PTPRN2: variants seen among roughly 807,000 people sequenced by gnomAD.
PTPRN2 encodes receptor-type tyrosine-protein phosphatase N2.
A neutral mutation model predicts 118.8 loss-of-function variants in PTPRN2; 74 were observed. The observed-to-expected ratio is 0.62, with a 90% confidence interval of 0.52 to 0.76. The LOEUF is 0.76. Among genes scored for constraint, PTPRN2 ranks in the 30% least tolerant of loss-of-function variants. The pLI is 0.00. For missense variants in PTPRN2, 1,481 were observed against 1,394.4 expected (o/e 1.06, Z -0.99); for synonymous variants, 641 against 608.0 (o/e 1.05, Z -0.80).
chr7:158,273,780 CGCAG>C (rs1563073430), intron 3 of PTPRN2, among the ~76,000 whole-genome samples: 1 of 112,278 alleles, frequency 8.9e-6, no homozygotes, highest in African/African-American at 3.5e-5. Flanking sequence ...TGGGAGGAGC[CGCAG>C]ACACGGGGAG....
intron 2 of PTPRN2, among the ~76,000 whole-genome samples, chr7:158,318,055 C>T (rs1802489790): frequency 6.6e-6 from 1 of 152,082 alleles, no homozygotes; most frequent in Non-Finnish European, 1.5e-5. Context: ...CCGTGCAGCC[C>T]GGCCGCGCCG....
At chr7:158,329,888 G>C (rs918440224) in intron 2 of PTPRN2, among the ~76,000 whole-genome samples, 3 of 152,002 alleles carry the variant, frequency 2.0e-5, no homozygotes, top group African/African-American at 7.3e-5. Flanking sequence ...GAGAAAATGC[G>C]GTCACCATAG....
intron 1 of PTPRN2, among the ~76,000 whole-genome samples, chr7:158,534,373 C>T (rs535525691): frequency 1.2e-3 from 172 of 148,442 alleles, no homozygotes; most frequent in Admixed American, 2.1e-3. Flanking sequence ...CCCTGGGCTC[C>T]GTCAGGGATG....
chr7:157,888,685 A>G (rs1057286291), intron 12 of PTPRN2, among the ~76,000 whole-genome samples: 1 of 152,100 alleles, frequency 6.6e-6, no homozygotes, highest in Non-Finnish European at 1.5e-5. Flanking sequence ...ATCTTCACGG[A>G]TGTCTGATGA....
chr7:158,237,853 A>G (rs1475779370), intron 3 of PTPRN2, among the ~76,000 whole-genome samples: 2 of 151,936 alleles, frequency 1.3e-5, no homozygotes, highest in East Asian at 1.9e-4. Context: ...CGGCAGACAC[A>G]GCGCTTACAT....
chr7:157,821,870 G>A (rs1474528977), intron 12 of PTPRN2, among the ~76,000 whole-genome samples: 2 of 151,954 alleles, frequency 1.3e-5, no homozygotes, highest in Non-Finnish European at 2.9e-5. Flanking sequence ...AGGGGGAGGA[G>A]GGACATGGGT....
At chr7:157,602,058 T>G (rs1468145126) in intron 16 of PTPRN2, among the ~76,000 whole-genome samples, 1 of 152,224 alleles carries the variant, frequency 6.6e-6, no homozygotes, top group African/African-American at 2.4e-5. Flanking sequence ...AAATACTATG[T>G]GCATCACATC....
intron 11 of PTPRN2, among the ~76,000 whole-genome samples, chr7:158,020,438 C>T (rs552426257): frequency 9.9e-5 from 15 of 152,174 alleles, no homozygotes; most frequent in Admixed American, 2.6e-4. Context: ...CTCTGGGTTG[C>T]GGGGAACGTG....
intron 11 of PTPRN2, among the ~76,000 whole-genome samples, chr7:158,010,345 C>A (rs1291071844): frequency 2.0e-5 from 3 of 152,208 alleles, no homozygotes; most frequent in Non-Finnish European, 4.4e-5. Flanking sequence ...AGTGAACCCA[C>A]AGACACACAA....
At chr7:157,803,446 C>T (rs1278431851) in intron 12 of PTPRN2, among the ~76,000 whole-genome samples, 2 of 152,188 alleles carry the variant, frequency 1.3e-5, no homozygotes, top group Non-Finnish European at 2.9e-5. Flanking sequence ...TTGATGTTGT[C>T]CTGCATGTTC....
At chr7:158,143,904 C>G (rs528768681) in intron 6 of PTPRN2, among the ~76,000 whole-genome samples, 15 of 152,298 alleles carry the variant, frequency 9.8e-5, no homozygotes, top group South Asian at 4.1e-4. Context: ...CACCGCCTTC[C>G]TGAGCTCCCA....
intron 12 of PTPRN2, among the ~76,000 whole-genome samples, chr7:157,889,365 T>A (rs1796665722): frequency 6.6e-6 from 1 of 152,126 alleles, no homozygotes; most frequent in Non-Finnish European, 1.5e-5. Context: ...CCAGCCCTTT[T>A]AAAAGACTCC....
chr7:158,219,554 G>GA (rs913486526), intron 3 of PTPRN2, among the ~76,000 whole-genome samples: 7 of 151,470 alleles, frequency 4.6e-5, no homozygotes, highest in Non-Finnish European at 8.9e-5. Flanking sequence ...CAGAAGAAAA[G>GA]AAAAAATCAA....
At chr7:157,985,589 C>T (rs993608553) in intron 11 of PTPRN2, among the ~76,000 whole-genome samples, 1 of 152,200 alleles carries the variant, frequency 6.6e-6, no homozygotes, top group Non-Finnish European at 1.5e-5. Context: ...ATATATGATC[C>T]CTGCTTGGAG....
intron 22 of PTPRN2, among the ~76,000 whole-genome samples, chr7:157,544,066 G>C (rs554044760): frequency 1.3e-5 from 2 of 152,034 alleles, no homozygotes; most frequent in South Asian, 2.1e-4. Flanking sequence ...GAGACGGAGA[G>C]AGGTGGAGAG....
chr7:158,472,708 C>T (rs1275251652), intron 2 of PTPRN2, among the ~76,000 whole-genome samples: 1 of 152,196 alleles, frequency 6.6e-6, no homozygotes, highest in Non-Finnish European at 1.5e-5. Context: ...TCTATGGAAA[C>T]TGCCTCAAAA....
In PTPRN2 at chr7:157,723,018, A is replaced by C. The variant is rs570165691; in HGVS notation, c.1789-40081T>G. Among the ~76,000 whole-genome samples the C allele has an allele frequency of 2.0e-5, 3 of 152,316 alleles. No individual in the cohort carries two copies. The South Asian group carries it at 6.2e-4, about 32-fold the overall frequency. On this transcript the variant is annotated intron_variant, in intron 12 of 22. Coordinates refer to ENST00000389418, the MANE Select transcript of PTPRN2 (RefSeq NM_002847.5). ...CAGAGTTTCGTTACCATTTCCCGGA[A>C]ACCCAGACTCTCACCAATGCAGATG...
At chr7:157,701,158 A>G (rs1798048694) in intron 12 of PTPRN2, among the ~76,000 whole-genome samples, 1 of 152,210 alleles carries the variant, frequency 6.6e-6, no homozygotes, top group South Asian at 2.1e-4. Flanking sequence ...TGAGAAAACC[A>G]AAGTACTGAG....
At chr7:158,370,976 AAG>A (rs1201992662) in intron 2 of PTPRN2, among the ~76,000 whole-genome samples, 1 of 152,214 alleles carries the variant, frequency 6.6e-6, no homozygotes, top group African/African-American at 2.4e-5. Context: ...ATCACAATGA[AAG>A]AGTTTTGGTA....
Sources: gnomAD v4.1 joint callset for allele counts (sites outside exome capture counted in the v4.1 genomes callset) on GRCh38, gnomAD v4.1.1 for gene constraint, MANE v1.5 for transcripts, NCBI Gene and HGNC (gene_info 2026-07-23, HGNC 2026-07-21) for gene names.